The following WDR49 variants were observed in gnomAD, a reference collection of about 807,000 sequenced individuals.
WDR49 encodes cilia- and flagella-associated protein 337.
Under a neutral mutation model 119.5 loss-of-function variants are expected in WDR49, and 107 were observed. The ratio of observed to expected loss-of-function variants is 0.90; its 90% CI spans 0.77 to 1.05. WDR49 has a LOEUF of 1.05. Ranked by LOEUF, WDR49 falls within the 50% of genes least tolerant of loss-of-function variation. The pLI, the probability that WDR49 is intolerant of heterozygous loss-of-function variation, is 0.00. For missense variants in WDR49, 1,240 were observed against 1,220.5 expected, an observed-to-expected ratio of 1.02 and a Z score of -0.24; for synonymous variants, 425 against 418.8, an observed-to-expected ratio of 1.01 and a Z score of -0.18.
intron 8 of WDR49, among the ~76,000 whole-genome samples, chr3:167,562,856 A>C (rs968698225): frequency 4.6e-5 from 7 of 152,240 alleles, no homozygotes; most frequent in African/African-American, 1.7e-4. Context: ...CATTGTTACG[A>C]TGTTTAAACA....
At chr3:167,634,926 G>T (rs1039462165) in intron 2 of WDR49, among the ~76,000 whole-genome samples, 5 of 151,740 alleles carry the variant, frequency 3.3e-5, no homozygotes, top group Non-Finnish European at 5.9e-5. Flanking sequence ...ATAGTGTCAT[G>T]ATATACATAC....
chr3:167,619,430 A>T (rs1716756505), intron 5 of WDR49, among the ~76,000 whole-genome samples: 1 of 152,152 alleles, frequency 6.6e-6, no homozygotes, highest in Non-Finnish European at 1.5e-5. Context: ...TGCAGAATTT[A>T]AAAATGTATA....
chr3:167,646,262 T>A (rs1315206491), intron 2 of WDR49, among the ~76,000 whole-genome samples: 3 of 152,112 alleles, frequency 2.0e-5, no homozygotes, highest in Non-Finnish European at 4.4e-5. Flanking sequence ...AAGGAATAGA[T>A]CTTCCCATTC....
chr3:167,552,005 C>T (rs747803247), intron 10 of WDR49, among the ~76,000 whole-genome samples: 34 of 151,484 alleles, frequency 2.2e-4, no homozygotes, highest in Non-Finnish European at 4.1e-4. Flanking sequence ...AAATGTTAGC[C>T]AAATGAAAAA....
intron 5 of WDR49, among the ~76,000 whole-genome samples, chr3:167,606,575 C>T (rs1716076058): frequency 6.6e-6 from 1 of 152,074 alleles, no homozygotes; most frequent in African/African-American, 2.4e-5. Context: ...AATAGCAGAA[C>T]ACAATTTCTA....
chr3:167,655,893 GTCTC>G (rs892517817), upstream of WDR49, among the ~76,000 whole-genome samples: 4 of 150,766 alleles, frequency 2.7e-5, no homozygotes, highest in African/African-American at 7.3e-5. Context: ...GATAGACACT[GTCTC>G]TCTCTCTCTC....
chr3:167,486,227 C>T lies in WDR49; in HGVS notation c.3032-7231G>A, dbSNP rs375454309. On this transcript the variant is annotated intron_variant, in intron 18 of 18. Transcript: ENST00000682715. ...GGGAATTTATTTCAATGTGATCAGC[C>T]GTAATTACAAGAGTCTCTTAAAGGC... 1.1e-4 allele frequency among the ~76,000 whole-genome samples: 17 copies of T among 152,048 alleles called. No individual in the cohort carries two copies. In the East Asian group the frequency reaches 1.7e-3, roughly 16 times the overall value.
chr3:167,587,685 T>G (rs1014681360), intron 7 of WDR49, among the ~76,000 whole-genome samples: 5 of 152,072 alleles, frequency 3.3e-5, no homozygotes, highest in Non-Finnish European at 5.9e-5. Context: ...GGTTTTTCCA[T>G]GTTGCCTAGG....
In WDR49 at chr3:167,577,266, G is replaced by T. The variant is rs889977284; in HGVS notation, c.1276-1115C>A. ...AGAAAACAGAAAGATGAGCTTCACA[G>T]GTGTGAGTGTTGGTGCTATCAGTAG... On this transcript the variant is annotated intron_variant, in intron 7 of 18. Coordinates refer to ENST00000682715, the MANE Select transcript of WDR49 (RefSeq NM_001366157.1). Among the ~76,000 whole-genome samples the T allele has an allele frequency of 5.3e-5, 8 of 152,292 alleles. 1 individual carries two copies. Among genetic ancestry groups the T allele is most frequent in the Admixed American group, 4.6e-4 (7 of 15,300 alleles).
At chr3:167,638,132 C>A (rs1717709581) in intron 2 of WDR49, among the ~76,000 whole-genome samples, 1 of 151,358 alleles carries the variant, frequency 6.6e-6, no homozygotes, top group Admixed American at 6.6e-5. Context: ...TGGAATATAG[C>A]CTTTAAGCAT....
chr3:167,572,178 TC>T (rs1414505134), intron 8 of WDR49, among the ~76,000 whole-genome samples: 1 of 152,210 alleles, frequency 6.6e-6, no homozygotes, highest in East Asian at 1.9e-4. Flanking sequence ...TCCAGGGGAC[TC>T]CTTCATCCAG....
intron 2 of WDR49, among the ~76,000 whole-genome samples, chr3:167,629,404 G>A (rs980079953): frequency 1.3e-5 from 2 of 152,064 alleles, no homozygotes; most frequent in Non-Finnish European, 2.9e-5. Context: ...CCTTTTAAAA[G>A]GGTACTGCTC....
At chr3:167,522,013 GA>G (rs753905814) in intron 16 of WDR49, among the ~76,000 whole-genome samples, 14,771 of 119,392 alleles carry the variant, frequency 0.12, 849 homozygotes, top group Non-Finnish European at 0.16. Context: ...TAGATAGATA[GA>G]TAGATTGTTT....
intron 2 of WDR49, among the ~76,000 whole-genome samples, chr3:167,651,080 A>G (rs893350686): frequency 2.0e-5 from 3 of 152,224 alleles, no homozygotes; most frequent in Non-Finnish European, 2.9e-5. Flanking sequence ...TTAGTATGGT[A>G]TGTGATATTT....
intron 10 of WDR49, among the ~76,000 whole-genome samples, chr3:167,551,480 T>C (rs1264799481): frequency 6.6e-6 from 1 of 152,074 alleles, no homozygotes; most frequent in Non-Finnish European, 1.5e-5. Context: ...TAGTTTAAAA[T>C]ATATAATTGC....
At chr3:167,573,272 C>A (rs527783115) in intron 8 of WDR49, among the ~76,000 whole-genome samples, 2 of 152,070 alleles carry the variant, frequency 1.3e-5, no homozygotes, top group African/African-American at 2.4e-5. Flanking sequence ...ACAGGCTAAG[C>A]AGTCTGTCCA....
At chr3:167,579,603 G>T (rs1714434361) in intron 7 of WDR49, among the ~76,000 whole-genome samples, 1 of 151,812 alleles carries the variant, frequency 6.6e-6, no homozygotes, top group Non-Finnish European at 1.5e-5. Flanking sequence ...AGAGAAAATT[G>T]GGTTTTCTTG....
At chr3:167,615,717 G>A (rs754807917) in intron 5 of WDR49, among the ~76,000 whole-genome samples, 4 of 152,032 alleles carry the variant, frequency 2.6e-5, no homozygotes, top group Admixed American at 6.6e-5. Flanking sequence ...TAATGCTTTC[G>A]CAGGACTTCA....
intron 8 of WDR49, among the ~76,000 whole-genome samples, chr3:167,573,533 A>T (rs116856922): frequency 3.9e-5 from 6 of 152,156 alleles, no homozygotes; most frequent in African/African-American, 1.4e-4. Context: ...TCCCTTAGCC[A>T]TAAGAACAAT....
Sources: allele counts gnomAD v4.1 joint callset (sites outside exome capture counted in the v4.1 genomes callset), GRCh38; gene constraint gnomAD v4.1.1; transcripts MANE v1.5; gene names NCBI Gene and HGNC (gene_info 2026-07-23, HGNC 2026-07-21).